SEMA3C: variants seen among roughly 807,000 people sequenced by gnomAD.
SEMA3C encodes semaphorin 3C, also known as semaphorin-3C.
SEMA3C carries 47 observed loss-of-function variants against 89.4 expected under a neutral mutation model. The observed-to-expected ratio is 0.53, with a 90% CI of 0.42 to 0.67. SEMA3C has a LOEUF of 0.67. Among genes scored for constraint, SEMA3C ranks in the 30% least tolerant of loss-of-function variants. The probability of loss-of-function intolerance (pLI) is 0.00; values close to 1 mark genes in which losing one functional copy is unlikely to be tolerated. For missense variants in SEMA3C, 839 were observed against 929.1 expected, an observed-to-expected ratio of 0.90 and a Z score of 1.26; for synonymous variants, 310 against 320.2, an observed-to-expected ratio of 0.97 and a Z score of 0.34.
chr7:80,854,263 G>A (rs1790583110), intron 2 of SEMA3C, among the ~76,000 whole-genome samples: 1 of 152,078 alleles, frequency 6.6e-6, no homozygotes, highest in Non-Finnish European at 1.5e-5. Context: ...GTTCTTCTTT[G>A]CCCAGAGACA....
At chr7:80,832,933 G>A (rs1269990954) in intron 2 of SEMA3C, among the ~76,000 whole-genome samples, 2 of 152,084 alleles carry the variant, frequency 1.3e-5, no homozygotes, top group African/African-American at 4.8e-5. Flanking sequence ...CCCCCATCAC[G>A]ACTTTCTCAC....
At chr7:80,749,351 A>G (rs1787873580) in intron 16 of SEMA3C, among the ~76,000 whole-genome samples, 1 of 152,144 alleles carries the variant, frequency 6.6e-6, no homozygotes, top group East Asian at 1.9e-4. Flanking sequence ...TCCTGGCCAC[A>G]TTTTCTCAGC....
At chr7:80,750,435 CATATATATATATATATATATAT>C (rs71520704) in intron 16 of SEMA3C, among the ~76,000 whole-genome samples, 11,874 of 71,256 alleles carry the variant, frequency 0.17, 1,022 homozygotes, top group South Asian at 0.26. Context: ...TACATACGTA[CATATATATATATATATATATAT>C]ATATATATAT....
chr7:80,878,575 G>A (rs962361122), intron 2 of SEMA3C, among the ~76,000 whole-genome samples: 1 of 152,052 alleles, frequency 6.6e-6, no homozygotes, highest in Non-Finnish European at 1.5e-5. Context: ...TACAAAACAA[G>A]GAAGAGAAAG....
chr7:80,792,429 C>T (rs1788966041), intron 11 of SEMA3C, among the ~76,000 whole-genome samples: 1 of 152,178 alleles, frequency 6.6e-6, no homozygotes, highest in Non-Finnish European at 1.5e-5. Flanking sequence ...TAAGTATTTG[C>T]AAGCATTCTC....
rs2272348 is a variant in SEMA3C, at chr7:80,805,628, T to C, written c.658+11A>G. ...GATACTAAAAAATAAATGCATCAAA[T>C]GCTTTCTTACCACTTAGCCATTTGG... is the stretch of plus-strand genomic sequence containing the variant. On this transcript the variant is annotated intron_variant, in intron 7 of 17. Transcript: ENST00000265361. The C allele has an allele frequency of 0.045, 71,121 of 1,589,654 alleles. 3,511 individuals are homozygous for C. The highest frequency in any genetic ancestry group is 0.25 in the East Asian group (10,983 of 44,072).
chr7:80,911,589 C>T (rs1792150161), intron 2 of SEMA3C, among the ~76,000 whole-genome samples: 1 of 150,644 alleles, frequency 6.6e-6, no homozygotes, highest in Non-Finnish European at 1.5e-5. Context: ...CATGTTTAGG[C>T]ATGTCTATTA....
At chr7:80,842,392 A>T (rs370157781) in intron 2 of SEMA3C, among the ~76,000 whole-genome samples, 1 of 152,162 alleles carries the variant, frequency 6.6e-6, no homozygotes, top group African/African-American at 2.4e-5. Flanking sequence ...TGGAAACATA[A>T]TATTTATCAT....
intron 2 of SEMA3C, among the ~76,000 whole-genome samples, chr7:80,833,766 C>T (rs865907610): frequency 6.6e-6 from 1 of 151,284 alleles, no homozygotes; most frequent in African/African-American, 2.4e-5. Flanking sequence ...GGGAGAGAAA[C>T]GACCATTTTT....
intron 11 of SEMA3C, among the ~76,000 whole-genome samples, chr7:80,791,536 A>AG (rs1305465079): frequency 6.6e-6 from 1 of 152,222 alleles, no homozygotes; most frequent in Non-Finnish European, 1.5e-5. Flanking sequence ...CAATAGGCAC[A>AG]GCATCAGTCA....
chr7:80,872,125 T>C (rs1791072833), intron 2 of SEMA3C, among the ~76,000 whole-genome samples: 1 of 151,990 alleles, frequency 6.6e-6, no homozygotes, highest in South Asian at 2.1e-4. Context: ...AGAGTGGCAA[T>C]ATTTTACGTT....
chr7:80,797,953 G>A (rs1238628591), intron 11 of SEMA3C, 139 bp downstream of exon 11: 5 of 743,820 alleles, frequency 6.7e-6, no homozygotes, highest in Non-Finnish European at 1.0e-5. Flanking sequence ...AGCTGAGATT[G>A]CACCACTACA....
intron 13 of SEMA3C, 51 bp downstream of exon 13, chr7:80,765,104 G>T: frequency 8.0e-7 from 1 of 1,255,102 alleles, no homozygotes; most frequent in Non-Finnish European, 1.1e-6. Flanking sequence ...TAAGATTAAA[G>T]AATTCCACTC....
chr7:80,906,303 C>G (rs1266765995), intron 2 of SEMA3C, among the ~76,000 whole-genome samples: 1 of 152,140 alleles, frequency 6.6e-6, no homozygotes, highest in African/African-American at 2.4e-5. Flanking sequence ...GCTTTACTAT[C>G]AAATATTGTA....
At chr7:80,828,773 A>G (rs746050839) in intron 2 of SEMA3C, 28 bp from the exon 3 acceptor site, 2 of 1,535,104 alleles carry the variant, frequency 1.3e-6, no homozygotes, top group Non-Finnish European at 1.8e-6. Flanking sequence ...ACAAGTGTAG[A>G]TACAGTATCC....
chr7:80,901,165 A>G (rs926623421), intron 2 of SEMA3C, among the ~76,000 whole-genome samples: 2 of 152,310 alleles, frequency 1.3e-5, no homozygotes, highest in South Asian at 2.1e-4. Flanking sequence ...AAAGTCAAAT[A>G]ATTTTTCCAG....
At chr7:80,779,409 C>G (rs17154434) in intron 12 of SEMA3C, among the ~76,000 whole-genome samples, 31,121 of 152,008 alleles carry the variant, frequency 0.2, 3,484 homozygotes, top group East Asian at 0.44. Context: ...TCAGTCAATG[C>G]TATTTCTTTC....
intron 5 of SEMA3C, among the ~76,000 whole-genome samples, chr7:80,817,032 TA>T (rs1416504331): frequency 2.0e-4 from 30 of 152,344 alleles, no homozygotes; most frequent in African/African-American, 6.7e-4. Flanking sequence ...GTAGTTTACT[TA>T]ATCAATTGAT....
chr7:80,910,246 A>G (rs1024635429), intron 2 of SEMA3C, among the ~76,000 whole-genome samples: 2 of 152,180 alleles, frequency 1.3e-5, no homozygotes, highest in African/African-American at 4.8e-5. Context: ...ATAATAAGGG[A>G]ATTATTTGAA....
Sources: allele counts gnomAD v4.1 joint callset (sites outside exome capture counted in the v4.1 genomes callset), GRCh38; gene constraint gnomAD v4.1.1; transcripts MANE v1.5; gene names NCBI Gene and HGNC (gene_info 2026-07-23, HGNC 2026-07-21).